Variants in SNTB2 observed in about 807,000 individuals in gnomAD.
SNTB2 encodes the protein syntrophin beta 2.
SNTB2 carries 34 observed loss-of-function variants against 46.2 expected under a neutral mutation model. The ratio of observed to expected loss-of-function variants is 0.74; its 90% CI spans 0.56 to 0.98. SNTB2 has a LOEUF of 0.98. Ranked by LOEUF, SNTB2 falls within the 50% of genes least tolerant of loss-of-function variation. SNTB2 has a pLI of 0.00. For synonymous variants in SNTB2, 290 were observed against 312.6 expected, an observed-to-expected ratio of 0.93 and a Z score of 0.76; for missense variants, 603 against 731.4, an observed-to-expected ratio of 0.82 and a Z score of 2.02.
intron 2 of SNTB2, among the ~76,000 whole-genome samples, chr16:69,247,136 T>C (rs1597185867): frequency 6.6e-6 from 1 of 151,750 alleles, no homozygotes; most frequent in Non-Finnish European, 1.5e-5. Flanking sequence ...AAATTCCTTA[T>C]ACTGTAGGTA....
At chr16:69,251,047 C>T (rs1964720784) in intron 2 of SNTB2, among the ~76,000 whole-genome samples, 2 of 144,390 alleles carry the variant, frequency 1.4e-5, no homozygotes, top group African/African-American at 2.5e-5. Flanking sequence ...GGCGGGATCT[C>T]GGCTCACTGC....
intron 1 of SNTB2, among the ~76,000 whole-genome samples, chr16:69,219,665 T>C (rs910065672): frequency 3.9e-5 from 6 of 152,244 alleles, no homozygotes; most frequent in Non-Finnish European, 8.8e-5. Context: ...TGTAAATTTC[T>C]TCAATTATTT....
intron 1 of SNTB2, among the ~76,000 whole-genome samples, chr16:69,235,175 C>G (rs563399057): frequency 1.3e-5 from 2 of 150,938 alleles, no homozygotes; most frequent in South Asian, 4.2e-4. Flanking sequence ...CCATGCCCAG[C>G]TAATTTTTTT....
chr16:69,270,081 G>T lies in SNTB2; in HGVS notation c.1006-62G>T, dbSNP rs1368376964. The T allele has an allele frequency of 8.1e-6, 13 of 1,601,080 alleles. No individual in the cohort carries two copies. The East Asian group carries it at 2.9e-4, about 36-fold the overall frequency. ...CCCATTGTGTTAGGCCATCATTGAA[G>T]GAACTTTTACAAAGACGTGATTATA... On this transcript the variant is annotated intron_variant, in intron 3 of 6. Coordinates refer to ENST00000336278, the MANE Select transcript of SNTB2 (RefSeq NM_006750.4).
At chr16:69,236,651 A>C in intron 1 of SNTB2, among the ~76,000 whole-genome samples, 1 of 150,702 alleles carries the variant, frequency 6.6e-6, no homozygotes, top group Non-Finnish European at 1.5e-5. Context: ...AGTAAACTTT[A>C]TGTTGTGTAT....
At chr16:69,197,459 G>A (rs920684969) in intron 1 of SNTB2, among the ~76,000 whole-genome samples, 1 of 152,136 alleles carries the variant, frequency 6.6e-6, no homozygotes, top group Admixed American at 6.6e-5. Flanking sequence ...TTTAAAAATA[G>A]TTTAAATATT....
intron 1 of SNTB2, among the ~76,000 whole-genome samples, chr16:69,194,027 T>C (rs1481919744): frequency 1.3e-5 from 2 of 152,232 alleles, no homozygotes; most frequent in Non-Finnish European, 2.9e-5. Context: ...ACTTTATTTG[T>C]TTTTCCAAAT....
At chr16:69,293,604 GGA>G (rs1214875193) in intron 5 of SNTB2, among the ~76,000 whole-genome samples, 2 of 152,244 alleles carry the variant, frequency 1.3e-5, no homozygotes, top group East Asian at 1.9e-4. Flanking sequence ...ATGAAGAGGA[GGA>G]GAGAGGGGGA....
chr16:69,210,022 T>A (rs74909541), intron 1 of SNTB2, among the ~76,000 whole-genome samples: 3,635 of 145,982 alleles, frequency 0.025, 146 homozygotes, highest in African/African-American at 0.085. Context: ...TTATTTAATT[T>A]TTTTTTTTTT....
chr16:69,281,710 G>T (rs193006310), intron 4 of SNTB2, among the ~76,000 whole-genome samples: 2 of 151,586 alleles, frequency 1.3e-5, no homozygotes, highest in Non-Finnish European at 2.9e-5. Context: ...GGGTATGGTG[G>T]CAGGAGCCTG....
chr16:69,245,308 C>T (rs1964659484), intron 1 of SNTB2, among the ~76,000 whole-genome samples: 1 of 152,156 alleles, frequency 6.6e-6, no homozygotes, highest in Admixed American at 6.5e-5. Flanking sequence ...ATTCTCCTGC[C>T]TCAGCTTCCT....
chr16:69,257,296 C>T (rs769542317), intron 2 of SNTB2, among the ~76,000 whole-genome samples: 17 of 151,930 alleles, frequency 1.1e-4, no homozygotes, highest in African/African-American at 3.9e-4. Flanking sequence ...AAGAGCTCAT[C>T]AGAACTGTAT....
chr16:69,257,378 A>G (rs1354077969), intron 2 of SNTB2, among the ~76,000 whole-genome samples: 1 of 151,882 alleles, frequency 6.6e-6, no homozygotes, highest in Admixed American at 6.6e-5. Flanking sequence ...ACTTTCAAAT[A>G]TGGACTTTTC....
At chr16:69,290,750 C>T (rs1048424927) in intron 5 of SNTB2, among the ~76,000 whole-genome samples, 4 of 152,130 alleles carry the variant, frequency 2.6e-5, no homozygotes, top group Non-Finnish European at 5.9e-5. Flanking sequence ...GAAATACAGG[C>T]ATCATCTAAC....
At chr16:69,288,398 T>G (rs1418453683) in intron 5 of SNTB2, among the ~76,000 whole-genome samples, 1 of 152,200 alleles carries the variant, frequency 6.6e-6, no homozygotes, top group Non-Finnish European at 1.5e-5. Context: ...AAGAAACATA[T>G]TTTTCGGTAA....
intron 1 of SNTB2, among the ~76,000 whole-genome samples, chr16:69,239,296 A>C (rs1274800000): frequency 6.6e-6 from 1 of 152,184 alleles, no homozygotes; most frequent in African/African-American, 2.4e-5. Context: ...ATTACACTTA[A>C]CATCTTCCAA....
intron 5 of SNTB2, among the ~76,000 whole-genome samples, chr16:69,290,934 G>T (rs1452639881): frequency 6.6e-6 from 1 of 152,148 alleles, no homozygotes; most frequent in Non-Finnish European, 1.5e-5. Flanking sequence ...AACTTCTGAA[G>T]GATATACAAT....
intron 5 of SNTB2, among the ~76,000 whole-genome samples, chr16:69,292,105 C>T (rs1965164941): frequency 6.6e-6 from 1 of 150,388 alleles, no homozygotes; most frequent in African/African-American, 2.4e-5. Context: ...TGTGTGGTGG[C>T]AGGCACCTGT....
At chr16:69,280,307 C>A (rs1965027587) in intron 4 of SNTB2, among the ~76,000 whole-genome samples, 1 of 152,232 alleles carries the variant, frequency 6.6e-6, no homozygotes, top group Non-Finnish European at 1.5e-5. Flanking sequence ...ATCCTTTCCC[C>A]ACCTTTCCCC....
Sources: gnomAD v4.1 joint callset for allele counts (sites outside exome capture counted in the v4.1 genomes callset) on GRCh38, gnomAD v4.1.1 for gene constraint, MANE v1.5 for transcripts, NCBI Gene and HGNC (gene_info 2026-07-23, HGNC 2026-07-21) for gene names.